The following ATXN1 variants were observed in gnomAD, a reference collection of about 807,000 sequenced individuals.
The protein encoded by ATXN1 is ataxin-1.
Under a neutral mutation model 56.4 loss-of-function variants are expected in ATXN1, and 8 were observed. That is an observed-to-expected ratio of 0.14 (90% CI 0.08 to 0.26). ATXN1 has a LOEUF of 0.26. ATXN1 is among the 10% of genes least tolerant of loss of function. The pLI is 1.00. For missense variants in ATXN1, 987 were observed against 1,106.5 expected (o/e 0.89, Z 1.53); for synonymous variants, 514 against 494.6 (o/e 1.04, Z -0.52).
At chr6:16,496,366 T>C (rs1760781818) in intron 5 of ATXN1, among the ~76,000 whole-genome samples, 1 of 152,226 alleles carries the variant, frequency 6.6e-6, no homozygotes, top group African/African-American at 2.4e-5. Flanking sequence ...TTGATGTGGG[T>C]TACGCAGGGC....
Position 16,430,219 on chromosome 6 carries a change from C to T in ATXN1, c.-161+55753G>A, listed in dbSNP as rs149111829. On this transcript the variant is annotated intron_variant, in intron 6 of 7. Coordinates refer to ENST00000436367, the MANE Select transcript of ATXN1 (RefSeq NM_001128164.2). ...TCCACTAGTATACTCCAAGATGTCGCGAGTCCCTGAATCCCCCACATCTCT... is the reference window on the plus strand; with the variant it reads ...TCCACTAGTATACTCCAAGATGTCGTGAGTCCCTGAATCCCCCACATCTCT... 3.5e-3 allele frequency among the ~76,000 whole-genome samples: 534 copies of T among 152,032 alleles called. 2 individuals are homozygous for T. Among genetic ancestry groups the T allele is most frequent in the Non-Finnish European group, 4.7e-3 (318 of 67,996 alleles).
At chr6:16,685,703 T>C (rs1212827497) in intron 2 of ATXN1, among the ~76,000 whole-genome samples, 1 of 152,204 alleles carries the variant, frequency 6.6e-6, no homozygotes, top group African/African-American at 2.4e-5. Context: ...ACTATCTACA[T>C]GGAAACAAAT....
chr6:16,360,191 A>G (rs1761779611), intron 6 of ATXN1, among the ~76,000 whole-genome samples: 1 of 152,226 alleles, frequency 6.6e-6, no homozygotes, highest in South Asian at 2.1e-4. Flanking sequence ...TATCTGCTGA[A>G]TATTAGAAGC....
intron 4 of ATXN1, among the ~76,000 whole-genome samples, chr6:16,554,111 C>T (rs1024554225): frequency 4.6e-5 from 7 of 152,140 alleles, no homozygotes; most frequent in African/African-American, 1.7e-4. Context: ...TAGGATATGT[C>T]TATGCCACAA....
intron 6 of ATXN1, among the ~76,000 whole-genome samples, chr6:16,363,313 G>A (rs1761852366): frequency 6.6e-6 from 1 of 152,206 alleles, no homozygotes; most frequent in Non-Finnish European, 1.5e-5. Flanking sequence ...TGCTAAGTAT[G>A]TGTTACATAA....
chr6:16,540,092 G>A (rs917399934), intron 4 of ATXN1, among the ~76,000 whole-genome samples: 11 of 152,164 alleles, frequency 7.2e-5, no homozygotes, highest in African/African-American at 1.4e-4. Flanking sequence ...AGAGAAAACT[G>A]GAAGTGCAAT....
chr6:16,640,540 G>A (rs892255484), intron 3 of ATXN1, among the ~76,000 whole-genome samples: 11 of 152,034 alleles, frequency 7.2e-5, no homozygotes, highest in African/African-American at 1.2e-4. Context: ...AAAGTTAGCC[G>A]GACGTAGTGG....
At chr6:16,492,354 G>A (rs1760684158) in intron 5 of ATXN1, among the ~76,000 whole-genome samples, 1 of 151,834 alleles carries the variant, frequency 6.6e-6, no homozygotes, top group Non-Finnish European at 1.5e-5. Flanking sequence ...CAGCACACCA[G>A]CATGGCACAT....
intron 2 of ATXN1, among the ~76,000 whole-genome samples, chr6:16,725,094 T>C (rs1393432910): frequency 6.6e-6 from 1 of 152,238 alleles, no homozygotes; most frequent in Admixed American, 6.5e-5. Flanking sequence ...TATTAAGTTT[T>C]GAAGAATGGA....
At chr6:16,606,039 G>T (rs946430135) in intron 3 of ATXN1, among the ~76,000 whole-genome samples, 2 of 151,996 alleles carry the variant, frequency 1.3e-5, no homozygotes, top group Non-Finnish European at 2.9e-5. Flanking sequence ...TGAGGTGGGG[G>T]GATCGCTTGA....
chr6:16,658,124 A>C (rs201534934), intron 2 of ATXN1, among the ~76,000 whole-genome samples: 1 of 152,156 alleles, frequency 6.6e-6, no homozygotes, highest in Non-Finnish European at 1.5e-5. Flanking sequence ...GAAAAAAAAA[A>C]CAAGCATGAC....
intron 2 of ATXN1, among the ~76,000 whole-genome samples, chr6:16,725,182 G>C (rs1759822898): frequency 6.6e-6 from 1 of 152,172 alleles, no homozygotes; most frequent in South Asian, 2.1e-4. Context: ...GCTTTAAATG[G>C]TGTGTCTTGC....
At chr6:16,371,194 A>G (rs1294706605) in intron 6 of ATXN1, among the ~76,000 whole-genome samples, 2 of 152,218 alleles carry the variant, frequency 1.3e-5, no homozygotes, top group Non-Finnish European at 2.9e-5. Context: ...AACTGTTTTA[A>G]TTGGTTTAAA....
intron 6 of ATXN1, among the ~76,000 whole-genome samples, chr6:16,407,629 C>T (rs1029046231): frequency 1.3e-5 from 2 of 152,164 alleles, no homozygotes; most frequent in African/African-American, 4.8e-5. Context: ...CTAAAATTCC[C>T]AGGGGCACAG....
chr6:16,627,776 T>TATCACAAAAGGAATACAC (rs1561784765), intron 3 of ATXN1, among the ~76,000 whole-genome samples: 1 of 152,058 alleles, frequency 6.6e-6, no homozygotes, highest in Non-Finnish European at 1.5e-5. Flanking sequence ...GCAAGTCTCC[T>TATCACAAAAGGAATACAC]ATCACAAAAG....
chr6:16,339,291 C>T (rs1221115989), intron 6 of ATXN1, among the ~76,000 whole-genome samples: 1 of 152,174 alleles, frequency 6.6e-6, no homozygotes, highest in Non-Finnish European at 1.5e-5. Context: ...AACTCTCCAT[C>T]AAGTCAGGAA....
intron 3 of ATXN1, among the ~76,000 whole-genome samples, chr6:16,604,241 A>C (rs1283586698): frequency 6.6e-6 from 1 of 151,848 alleles, no homozygotes. Flanking sequence ...CTGTAACCTC[A>C]GCACTTTGGA....
At position 16,760,857 on chromosome 6, in the gene ATXN1, T is replaced by G. The variant is rs1282845367; in HGVS notation, c.-730+441A>C. ...TGCGCCACCCGGAGGGAGGAGGACA[T>G]GGCTCTCCGCACTTGCGACCGGACC... On this transcript the variant is annotated intron_variant, in intron 1 of 7. Transcript: ENST00000436367. The surrounding 1 kb of genome is among the most constrained non-coding windows in gnomAD (Gnocchi z 5.3). Among the ~76,000 whole-genome samples the G allele has an allele frequency of 6.8e-6, 1 of 147,688 alleles. No homozygotes were observed. Among genetic ancestry groups the G allele is most frequent in the Non-Finnish European group, 1.5e-5 (1 of 66,516 alleles).
chr6:16,723,233 A>G (rs892174455), intron 2 of ATXN1, among the ~76,000 whole-genome samples: 3 of 152,230 alleles, frequency 2.0e-5, no homozygotes, highest in Non-Finnish European at 4.4e-5. Context: ...GAGATAGAGT[A>G]ACATACTATA....
Sources: allele counts gnomAD v4.1 joint callset (sites outside exome capture counted in the v4.1 genomes callset), GRCh38; gene constraint gnomAD v4.1.1; non-coding constraint Gnocchi (gnomAD v3.1); transcripts MANE v1.5; gene names NCBI Gene and HGNC (gene_info 2026-07-23, HGNC 2026-07-21).